The following COL9A3 variants were observed in gnomAD, a reference collection of about 807,000 sequenced individuals.
COL9A3 encodes collagen type IX alpha 3 chain.
In COL9A3, 82 loss-of-function variants were observed where a neutral mutation model predicts 110.2. The ratio of observed to expected loss-of-function variants is 0.74; its 90% CI spans 0.62 to 0.89. COL9A3 has a LOEUF of 0.89. Among genes scored for constraint, COL9A3 ranks in the 40% least tolerant of loss-of-function variants. COL9A3 has a pLI of 0.00. For missense variants in COL9A3, 1,066 were observed against 981.3 expected, an observed-to-expected ratio of 1.09 and a Z score of -1.15; for synonymous variants, 494 against 403.8, an observed-to-expected ratio of 1.22 and a Z score of -2.68.
At chr20:62,826,014 G>A in intron 13 of COL9A3, 144 bp downstream of exon 13, 4 of 1,125,804 alleles carry the variant, frequency 3.6e-6, no homozygotes, top group Non-Finnish European at 5.1e-6. Context: ...CGACCTGGCT[G>A]GGGGTCCCAC....
chr20:62,817,043 G>A (rs913311950), upstream of COL9A3: 3 of 1,266,454 alleles, frequency 2.4e-6, no homozygotes, highest in South Asian at 2.3e-5. Context: ...CCCCGACGCC[G>A]CAGCTCAGAC....
intron 5 of COL9A3, 71 bp from the exon 6 acceptor site, chr20:62,821,110 C>A (rs1431154582): frequency 6.6e-7 from 1 of 1,507,304 alleles, no homozygotes; most frequent in Non-Finnish European, 9.1e-7. Context: ...TGACGTCACA[C>A]TTCAGAGGGA....
intron 22 of COL9A3, among the ~76,000 whole-genome samples, chr20:62,830,087 G>C (rs986115164): frequency 6.6e-6 from 1 of 152,174 alleles, no homozygotes; most frequent in Non-Finnish European, 1.5e-5. Context: ...GACAGCACCA[G>C]CCACAGGGCC....
At position 62,837,161 on chromosome 20, in the gene COL9A3, C is replaced by T. The variant is rs1200719092; in HGVS notation, c.1682C>T (p.Pro561Leu). ...ATTGGTCGGCCCGGTCCAGCTGGCC[C>T]CCCTGGGCCCCCAGGACCCCCAGGC... is the stretch of plus-strand genomic sequence containing the variant. ...GSIGRPGPAGPPGPPGPPGSI... is the reference protein window; with the variant it reads ...GSIGRPGPAGLPGPPGPPGSI... Residue 561 changes from proline (P) to leucine (L), a missense_variant, in exon 30 of 32, where the codon CCC becomes CTC. Transcript: ENST00000649368. 1.9e-6 allele frequency: 3 copies of T among 1,613,004 alleles called. No individual in the cohort carries two copies. Among genetic ancestry groups the T allele is most frequent in the South Asian group, 2.2e-5 (2 of 91,084 alleles).
In COL9A3 at chr20:62,821,802, G is replaced by A. The variant is rs551439892; in HGVS notation, c.415G>A (p.Gly139Ser). The A allele has an allele frequency of 2.9e-5, 47 of 1,603,858 alleles. No homozygotes were observed. The highest frequency in any genetic ancestry group is 1.7e-4 in the Middle Eastern group (1 of 5,946). ...CCCCCCAGGTGGGATCGGCCTCCGC[G>A]GCCCCCCGGTGAGTGGCTGTCCCAG... is the stretch of plus-strand genomic sequence containing the variant. ...SGPPGGIGLR[G>S]PPGPSGLPGL... Residue 139 changes from glycine (G) to serine (S), a missense_variant, in exon 8 of 32, where the codon GGC becomes AGC. Physicochemically the swap from Gly to Ser is moderately conservative, Grantham distance 56 (BLOSUM62 0). Coordinates refer to ENST00000649368, the MANE Select transcript of COL9A3 (RefSeq NM_001853.4).
In COL9A3 at chr20:62,817,612, A is replaced by C; in HGVS notation, c.124A>C (p.Lys42Gln). The change falls in exon 2 of 32, where the codon AAG becomes CAG. Residue 42 changes from lysine (K) to glutamine (Q), a missense_variant. Transcript: ENST00000649368. ...CCCCGGCCCCCCAGGGCCGCCCGGG[A>C]AGCCCGGCCAGGACGGCATTGACGT... ...GPPGPPGPPG[K>Q]PGQDGIDGEA... 1 of 1,546,400 alleles carries C rather than the reference A, an allele frequency of 6.5e-7. No homozygotes were observed. The highest frequency in any genetic ancestry group is 8.7e-7 in the Non-Finnish European group (1 of 1,145,048).
rs1232458598 is a variant in COL9A3 at position 62,826,209 on chromosome 20, C to T, written c.690C>T (p.Pro230=). The change falls in exon 14 of 32, where the codon CCC becomes CCT. Residue 230 remains proline (P), a synonymous_variant. Transcript: ENST00000649368. ...GLPGSVGLQG[P]RGLRGLPGPL... is the part of the protein sequence containing the mutation. ...TCTGTGCCTCTCTCTCGCAGGGCCC[C>T]CGGGGATTACGAGGACTGCCAGGGC... 6.4e-7 allele frequency: 1 copy of T among 1,561,486 alleles called. No individual in the cohort carries two copies.
At chr20:62,817,257 T>C in intron 1 of COL9A3, 115 bp downstream of exon 1, 1 of 786,478 alleles carries the variant, frequency 1.3e-6, no homozygotes. Flanking sequence ...CGTGTCGCCG[T>C]CGGGGCGCGG....
intron 26 of COL9A3, among the ~76,000 whole-genome samples, chr20:62,833,705 G>C (rs1384105213): frequency 1.3e-5 from 2 of 149,570 alleles, no homozygotes; most frequent in Admixed American, 1.3e-4. Flanking sequence ...GCCCGGCCGG[G>C]GGTTTTTTTT....
At chr20:62,822,762 C>T in intron 10 of COL9A3, 130 bp downstream of exon 10, 1 of 989,384 alleles carries the variant, frequency 1.0e-6, no homozygotes, top group Non-Finnish European at 1.6e-6. Context: ...GGGACAGGAG[C>T]TCAGAGCAGA....
rs570137220 is a variant in COL9A3 at position 62,829,192 on chromosome 20, A to G, written c.1008+216A>G. On this transcript the variant is annotated intron_variant, in intron 19 of 31. Transcript: ENST00000649368. The stretch of plus-strand genomic sequence containing the variant: ...CATGTGTGTGCTTATTCGTGTGTAC[A>G]TGGGACATGTGTGAACATGTTGATG... Among the ~76,000 whole-genome samples, 26 of 152,260 alleles carry G rather than the reference A, an allele frequency of 1.7e-4. No homozygotes were observed. In the South Asian group the frequency reaches 5.0e-3, roughly 29 times the overall value.
intron 30 of COL9A3, 44 bp downstream of exon 30, chr20:62,837,309 C>T: frequency 6.3e-7 from 1 of 1,587,334 alleles, no homozygotes; most frequent in Non-Finnish European, 8.6e-7. Flanking sequence ...CTGTAAAAAT[C>T]CCTGAGACTG....
At chr20:62,826,321 C>G in intron 14 of COL9A3, 64 bp downstream of exon 14, 1 of 1,428,910 alleles carries the variant, frequency 7.0e-7, no homozygotes, top group Non-Finnish European at 9.6e-7. Flanking sequence ...TCTGCACCTC[C>G]AGACTTCAGA....
chr20:62,830,654 C>CACCCA, intron 24 of COL9A3, 66 bp downstream of exon 24: 1 of 1,001,474 alleles, frequency 1.0e-6, no homozygotes. Flanking sequence ...AGTCCCCCAC[C>CACCCA]CCCATGACAG....
At chr20:62,829,897 G>A (rs925461401) in intron 22 of COL9A3, 78 bp downstream of exon 22, 9 of 1,506,716 alleles carry the variant, frequency 6.0e-6, no homozygotes, top group African/African-American at 2.8e-5. Flanking sequence ...TGAGCAGGCC[G>A]GGGTGGCATT....
chr20:62,817,121 T>G lies in COL9A3; in HGVS notation c.57T>G (p.Leu19=), dbSNP rs1262746120. 1.4e-6 allele frequency: 2 copies of G among 1,399,280 alleles called. No individual in the cohort carries two copies. The highest frequency in any genetic ancestry group is 5.1e-5 in the Admixed American group (2 of 39,094). The allele number at this position is 1,399,280 out of a possible 1,614,324, so 86.7% of individuals were successfully genotyped here. A position where few individuals can be genotyped will look rare whatever the true frequency, so the allele number is the denominator to read the frequency against. ...PLLLLLLLGE[L]LAAAGAQRVG... ...TGCTCCTGCTCCTGCTCGGGGAGCT[T>G]CTGGCGGCCGCCGGGGCGCAGGTGA... The change falls in exon 1 of 32, where the codon CTT becomes CTG. Residue 19 remains leucine (L), a synonymous_variant. Transcript: ENST00000649368.
At chr20:62,836,952 A>T in intron 29 of COL9A3, 131 bp from the exon 30 acceptor site, 1 of 1,217,662 alleles carries the variant, frequency 8.2e-7, no homozygotes, top group Non-Finnish European at 1.2e-6. Context: ...AAGCAGTTAA[A>T]CCATTTTCCA....
At chr20:62,839,720 A>C (rs1406278536) in intron 31 of COL9A3, among the ~76,000 whole-genome samples, 13 of 25,752 alleles carry the variant, frequency 5.0e-4, no homozygotes, top group South Asian at 1.2e-3. Context: ...TCCTCCACCC[A>C]CCCCACCTCT....
chr20:62,819,463 C>G (rs1229126616), intron 4 of COL9A3, among the ~76,000 whole-genome samples, 170 bp downstream of exon 4: 4 of 152,236 alleles, frequency 2.6e-5, no homozygotes, highest in Non-Finnish European at 5.9e-5. Context: ...ATCCCAGACG[C>G]CACCAGCATC....
Sources: allele counts gnomAD v4.1 joint callset (sites outside exome capture counted in the v4.1 genomes callset), GRCh38; gene constraint gnomAD v4.1.1; transcripts MANE v1.5; gene names NCBI Gene and HGNC (gene_info 2026-07-23, HGNC 2026-07-21).